NEDD4: variants seen among roughly 807,000 people sequenced by gnomAD.
The protein encoded by NEDD4 is NEDD4 E3 ubiquitin protein ligase.
NEDD4 carries 99 observed loss-of-function variants against 144.9 expected under a neutral mutation model. The observed-to-expected ratio is 0.68, with a 90% CI of 0.58 to 0.81. The LOEUF is 0.81. NEDD4 is among the 30% of genes least tolerant of loss of function. NEDD4 has a pLI of 0.00. For missense variants in NEDD4, 985 were observed against 1,065.9 expected, an observed-to-expected ratio of 0.92 and a Z score of 1.06; for synonymous variants, 318 against 350.6, an observed-to-expected ratio of 0.91 and a Z score of 1.04.
Position 55,915,458 on chromosome 15 carries a change from T to A in NEDD4, c.291+9188A>T, listed in dbSNP as rs372832889. On this transcript the variant is annotated intron_variant, in intron 5 of 28. Transcript: ENST00000435532. ...AAATATTTGGATAAGCTCCTCCCAATGAAATACTTCTTCGTAAAATACCAT... is the reference window on the plus strand; with the variant it reads ...AAATATTTGGATAAGCTCCTCCCAAAGAAATACTTCTTCGTAAAATACCAT... 24 of 1,613,862 alleles carry A rather than the reference T, an allele frequency of 1.5e-5. No homozygotes were observed. The Admixed American group carries it at 3.0e-4, about 20-fold the overall frequency.
At chr15:55,928,543 A>G (rs1432615055) in intron 4 of NEDD4, among the ~76,000 whole-genome samples, 1 of 152,136 alleles carries the variant, frequency 6.6e-6, no homozygotes, top group African/African-American at 2.4e-5. Flanking sequence ...TACTGTAATC[A>G]CACTGGAAAC....
intron 5 of NEDD4, among the ~76,000 whole-genome samples, chr15:55,914,837 A>G (rs1211483074): frequency 1.3e-5 from 2 of 152,050 alleles, no homozygotes; most frequent in Non-Finnish European, 2.9e-5. Flanking sequence ...TAAGCATTCT[A>G]AATTTTACTC....
At chr15:55,863,498 T>A (rs2034481028) in intron 8 of NEDD4, among the ~76,000 whole-genome samples, 1 of 152,198 alleles carries the variant, frequency 6.6e-6, no homozygotes, top group Admixed American at 6.5e-5. Context: ...TTAGCCTGAT[T>A]TAATCATTTT....
intron 1 of NEDD4, among the ~76,000 whole-genome samples, chr15:55,968,070 C>T (rs935146666): frequency 5.9e-5 from 9 of 152,024 alleles, no homozygotes; most frequent in Admixed American, 2.0e-4. Context: ...ACTATGTTTA[C>T]GTGTGAAAAT....
intron 2 of NEDD4, among the ~76,000 whole-genome samples, chr15:55,964,536 T>G (rs1158635485): frequency 1.3e-5 from 2 of 152,148 alleles, no homozygotes; most frequent in Non-Finnish European, 2.9e-5. Flanking sequence ...CATATTTTCT[T>G]TTCTCTACTA....
chr15:55,848,684 C>T, intron 15 of NEDD4, 109 bp from the exon 16 acceptor site: 2 of 1,271,942 alleles, frequency 1.6e-6, no homozygotes, highest in Non-Finnish European at 2.3e-6. Flanking sequence ...CCATTCCATT[C>T]TTAGAAGGTA....
rs183997431 is a variant in NEDD4 at position 55,893,288 on chromosome 15, C to T, written c.292-19280G>A. On this transcript the variant is annotated intron_variant, in intron 5 of 28. Transcript: ENST00000435532. ...TCTATGCGCAAATGTCATGATTCCT[C>T]TGTATAGATCATATAATTCTAAAGA... Among the ~76,000 whole-genome samples the T allele has an allele frequency of 7.0e-4, 107 of 152,040 alleles. 1 individual carries two copies. The highest frequency in any genetic ancestry group is 5.4e-3 in the Admixed American group (83 of 15,266).
intron 5 of NEDD4, chr15:55,905,296 T>C (rs1318728484): frequency 2.2e-6 from 1 of 455,894 alleles, no homozygotes; most frequent in Non-Finnish European, 4.4e-6. Context: ...AAAACATAAC[T>C]GGCAATCATT....
intron 1 of NEDD4, among the ~76,000 whole-genome samples, chr15:55,968,766 T>C (rs867382631): frequency 3.3e-5 from 5 of 152,312 alleles, no homozygotes; most frequent in Admixed American, 6.5e-5. Flanking sequence ...AACTGTATTT[T>C]TAGATGTTTC....
intron 1 of NEDD4, among the ~76,000 whole-genome samples, chr15:55,978,395 T>G (rs1345027794): frequency 6.6e-6 from 1 of 152,228 alleles, no homozygotes; most frequent in African/African-American, 2.4e-5. Flanking sequence ...AACTTCATTT[T>G]ATGATTTTAT....
intron 2 of NEDD4, among the ~76,000 whole-genome samples, chr15:55,956,180 C>T (rs2037335148): frequency 6.6e-6 from 1 of 152,042 alleles, no homozygotes; most frequent in South Asian, 2.1e-4. Flanking sequence ...TTATGGGGTA[C>T]ATGAGATTAC....
At chr15:55,839,704 G>A (rs1428168402) in intron 21 of NEDD4, among the ~76,000 whole-genome samples, 2 of 151,792 alleles carry the variant, frequency 1.3e-5, no homozygotes, top group African/African-American at 2.4e-5. Context: ...TTGGCCAGGT[G>A]CGGTGGCTCA....
At chr15:55,935,468 T>A (rs1305762463) in intron 4 of NEDD4, among the ~76,000 whole-genome samples, 1 of 151,918 alleles carries the variant, frequency 6.6e-6, no homozygotes, top group Non-Finnish European at 1.5e-5. Flanking sequence ...AACAATGGGG[T>A]AGGAAATATG....
chr15:55,991,809 T>C (rs535646752), intron 1 of NEDD4: 1 of 152,184 alleles, frequency 6.6e-6, no homozygotes, highest in East Asian at 1.9e-4. Flanking sequence ...ACTGCCACAA[T>C]TAGTTTTATT....
At chr15:55,898,723 C>T (rs78560585) in intron 5 of NEDD4, among the ~76,000 whole-genome samples, 3 of 148,166 alleles carry the variant, frequency 2.0e-5, no homozygotes, top group Non-Finnish European at 4.4e-5. Flanking sequence ...GCAACTTGGA[C>T]TCCTGGGCTC....
intron 5 of NEDD4, among the ~76,000 whole-genome samples, chr15:55,900,157 C>T (rs1166818776): frequency 2.6e-5 from 4 of 151,670 alleles, no homozygotes; most frequent in Non-Finnish European, 4.4e-5. Context: ...AAGAACTCAT[C>T]GTAAGGAAAG....
At chr15:55,847,172 C>A in intron 17 of NEDD4, 138 bp from the exon 18 acceptor site, 1 of 484,476 alleles carries the variant, frequency 2.1e-6, no homozygotes. Context: ...AGAAGAAAAA[C>A]AAATACAAAA....
rs78313911 is a variant in NEDD4 at position 55,838,376 on chromosome 15, G to A, written c.2127+133C>T. 22,383 of 742,368 alleles carry A rather than the reference G, an allele frequency of 0.03. 393 individuals carry two copies. Among genetic ancestry groups the A allele is most frequent in the Non-Finnish European group, 0.034 (15,387 of 446,824 alleles). The allele number at this position is 742,368 out of a possible 1,614,324, so 46.0% of individuals were successfully genotyped here. A position where few individuals can be genotyped will look rare whatever the true frequency, so the allele number is the denominator to read the frequency against. ...AATGTTAAAGAAAGTACAAATTCTT[G>A]CTCAGAGACAGCTTTTGTTACTGGG... On this transcript the variant is annotated intron_variant, in intron 22 of 28. Transcript: ENST00000435532.
intron 5 of NEDD4, among the ~76,000 whole-genome samples, chr15:55,883,767 A>T (rs376872433): frequency 2.9e-4 from 44 of 151,918 alleles, no homozygotes; most frequent in African/African-American, 8.9e-4. Flanking sequence ...TTTGTGTGTG[A>T]GAGAGAGAGA....
Sources: gnomAD v4.1 joint callset for allele counts (sites outside exome capture counted in the v4.1 genomes callset) on GRCh38, gnomAD v4.1.1 for gene constraint, MANE v1.5 for transcripts, NCBI Gene and HGNC (gene_info 2026-07-23, HGNC 2026-07-21) for gene names.